Variants in RASGRP3 observed in about 807,000 individuals in gnomAD.
RASGRP3 encodes the protein RAS guanyl releasing protein 3.
In RASGRP3, 54 loss-of-function variants were observed where a neutral mutation model predicts 82.7. The ratio of observed to expected loss-of-function variants is 0.65; its 90% CI spans 0.52 to 0.82. RASGRP3 has a LOEUF of 0.82. Among genes scored for constraint, RASGRP3 ranks in the 40% least tolerant of loss-of-function variants. The pLI is 0.00. For missense variants in RASGRP3, 861 were observed against 828.9 expected, an observed-to-expected ratio of 1.04 and a Z score of -0.48; for synonymous variants, 309 against 300.5, an observed-to-expected ratio of 1.03 and a Z score of -0.29.
rs935903606 is a variant in RASGRP3 at position 33,445,596 on chromosome 2, C to T, written c.-384-2224C>T. Reference sequence around the variant, plus strand: ...CACCTAAAATGCCACGTATCTACAACGAAATTATTACAATGTATTTATAAT... The same window carrying T: ...CACCTAAAATGCCACGTATCTACAATGAAATTATTACAATGTATTTATAAT... On this transcript the variant is annotated intron_variant, in intron 1 of 18. Transcript: ENST00000402538. 5.3e-5 allele frequency among the ~76,000 whole-genome samples: 8 copies of T among 151,922 alleles called. No individual in the cohort carries two copies. The South Asian group carries it at 8.3e-4, about 16-fold the overall frequency.
rs1676329673 is a variant in RASGRP3 at position 33,558,953 on chromosome 2, G to A, written c.1987G>A (p.Gly663Ser). Residue 663 changes from glycine to serine, a missense_variant, in exon 17 of 18, where the codon GGT becomes AGT. Transcript: ENST00000403687. Reference protein sequence around the residue: ...WENEKPRVHAGVDVVDRGTEF... With the variant: ...WENEKPRVHASVDVVDRGTEF... Reference sequence around the variant, plus strand: ...AAATGAGAAGCCCAGGGTGCATGCTGGTGTGGATGTTGTAGACCGGGGCAC... The same window carrying A: ...AAATGAGAAGCCCAGGGTGCATGCTAGTGTGGATGTTGTAGACCGGGGCAC... 4 of 1,614,016 alleles carry A rather than the reference G, an allele frequency of 2.5e-6. No individual in the cohort carries two copies. Among genetic ancestry groups the A allele is most frequent in the Non-Finnish European group, 3.4e-6 (4 of 1,179,898 alleles).
intron 13 of RASGRP3, among the ~76,000 whole-genome samples, chr2:33,548,106 A>T (rs151287384): frequency 0.018 from 2,774 of 152,304 alleles, 95 homozygotes; most frequent in African/African-American, 0.063. Context: ...TCACGCCTGT[A>T]ATCCCAGCAC....
At position 33,467,208 on chromosome 2, in the gene RASGRP3, C is replaced by A. The variant is rs1311870262; in HGVS notation, c.-261+19265C>A. On this transcript the variant is annotated intron_variant, in intron 2 of 18. Transcript: ENST00000402538. The stretch of plus-strand genomic sequence containing the variant: ...ATTCCTAAAGGCAATGCACATTGAA[C>A]ACCGGCACTATATTTTTTTCAGTTA... Among the ~76,000 whole-genome samples, 3 of 152,228 alleles carry A rather than the reference C, an allele frequency of 2.0e-5. No homozygotes were observed. In the East Asian group the frequency reaches 5.8e-4, roughly 29 times the overall value.
intron 15 of RASGRP3, among the ~76,000 whole-genome samples, chr2:33,557,642 G>A (rs954580107): frequency 1.3e-5 from 2 of 151,794 alleles, no homozygotes; most frequent in East Asian, 3.9e-4. Flanking sequence ...CCCGGGAGGC[G>A]GAGCTTGCAG....
rs1676880596 is a variant in RASGRP3 at position 33,563,180 on chromosome 2, G to GT, written c.*443_*444insT. The GT allele has an allele frequency of 6.4e-6, 1 of 157,144 alleles. No homozygotes were observed. The highest frequency in any genetic ancestry group is 2.6e-5 in the African/African-American group (1 of 39,076). 9.7% of individuals were successfully genotyped at this position (157,144 alleles called of 1,614,324 possible). A position where few individuals can be genotyped will look rare whatever the true frequency, so the allele number is the denominator to read the frequency against. On this transcript the variant is annotated 3_prime_UTR_variant, in exon 18 of 18. Coordinates refer to ENST00000403687, the MANE Select transcript of RASGRP3 (RefSeq NM_001139488.2). The stretch of plus-strand genomic sequence containing the variant: ...AGTTAACAAGGAGTTTATTTAGAGG[G>GT]GTTTTTTTCATTTTTTGTTTTTCTT...
At chr2:33,559,160 A>T (rs895171084) in intron 17 of RASGRP3, 130 bp downstream of exon 17, 2 of 757,958 alleles carry the variant, frequency 2.6e-6, no homozygotes, top group East Asian at 5.4e-5. Flanking sequence ...GAAGACATGT[A>T]TCACTTTTAG....
At chr2:33,469,228 G>A (rs1004962899) in intron 2 of RASGRP3, among the ~76,000 whole-genome samples, 25 of 151,964 alleles carry the variant, frequency 1.6e-4, no homozygotes, top group Non-Finnish European at 1.2e-4. Context: ...TTTACCATAC[G>A]TATTTCACTT....
chr2:33,499,140 T>C (rs999434070), intron 1 of RASGRP3, among the ~76,000 whole-genome samples: 1 of 152,138 alleles, frequency 6.6e-6, no homozygotes, highest in Non-Finnish European at 1.5e-5. Context: ...TTCTGACCTC[T>C]GTTCCTCTCC....
chr2:33,461,035 A>G (rs1666334760), intron 2 of RASGRP3, among the ~76,000 whole-genome samples: 1 of 152,146 alleles, frequency 6.6e-6, no homozygotes, highest in Non-Finnish European at 1.5e-5. Context: ...TCTCACTGCC[A>G]CGCGTTTATT....
chr2:33,518,731 C>CT (rs1296805415), intron 4 of RASGRP3, among the ~76,000 whole-genome samples: 3 of 151,132 alleles, frequency 2.0e-5, no homozygotes, highest in African/African-American at 7.3e-5. Context: ...ACTTTTTAAA[C>CT]TTTTTTCGTT....
chr2:33,523,131 C>CGTTAT (rs1270098244), intron 7 of RASGRP3, among the ~76,000 whole-genome samples: 1 of 151,832 alleles, frequency 6.6e-6, no homozygotes, highest in African/African-American at 2.4e-5. Flanking sequence ...TATTGTATAC[C>CGTTAT]GTTATATCTT....
At chr2:33,492,659 C>T (rs1668957244) in intron 1 of RASGRP3, among the ~76,000 whole-genome samples, 1 of 152,164 alleles carries the variant, frequency 6.6e-6, no homozygotes, top group South Asian at 2.1e-4. Context: ...AGAAGGTGGC[C>T]ATCTGCAAGC....
At chr2:33,445,361 A>C (rs1665445680) in intron 1 of RASGRP3, among the ~76,000 whole-genome samples, 1 of 152,212 alleles carries the variant, frequency 6.6e-6, no homozygotes, top group Non-Finnish European at 1.5e-5. Flanking sequence ...TTATTCCATG[A>C]GGGTTTGGTT....
intron 1 of RASGRP3, among the ~76,000 whole-genome samples, chr2:33,479,341 C>T (rs1403459076): frequency 6.6e-6 from 1 of 152,180 alleles, no homozygotes; most frequent in Non-Finnish European, 1.5e-5. Flanking sequence ...ACCTCCAGCA[C>T]ACGGCTCCCA....
At chr2:33,530,716 T>C (rs2151045910) in intron 10 of RASGRP3, 1 of 152,314 alleles carries the variant, frequency 6.6e-6, no homozygotes, top group South Asian at 2.1e-4. Flanking sequence ...AAGGAAGTAA[T>C]TACAGGACAA....
chr2:33,496,283 AGTGT>A (rs1669304130), intron 1 of RASGRP3, among the ~76,000 whole-genome samples: 1 of 152,266 alleles, frequency 6.6e-6, no homozygotes, highest in African/African-American at 2.4e-5. Flanking sequence ...CAAGATTTAT[AGTGT>A]GTGGACAGGA....
chr2:33,549,852 T>C (rs1368299701), intron 14 of RASGRP3, 101 bp downstream of exon 14: 5 of 1,346,208 alleles, frequency 3.7e-6, no homozygotes, highest in Non-Finnish European at 5.0e-6. Flanking sequence ...CTGTCTGCTT[T>C]GAATCAGAAG....
chr2:33,507,336 A>G (rs1402505626), intron 1 of RASGRP3, among the ~76,000 whole-genome samples: 5 of 152,154 alleles, frequency 3.3e-5, no homozygotes, highest in Non-Finnish European at 5.9e-5. Flanking sequence ...CAGAGGTTGA[A>G]GTGAGCCAAG....
intron 1 of RASGRP3, among the ~76,000 whole-genome samples, chr2:33,479,423 C>G (rs772838045): frequency 2.0e-5 from 3 of 152,094 alleles, no homozygotes; most frequent in Non-Finnish European, 4.4e-5. Flanking sequence ...TCCACCCATG[C>G]CCCACCCCAA....
Sources: gnomAD v4.1 joint callset for allele counts (sites outside exome capture counted in the v4.1 genomes callset) on GRCh38, gnomAD v4.1.1 for gene constraint, MANE v1.5 for transcripts, NCBI Gene and HGNC (gene_info 2026-07-23, HGNC 2026-07-21) for gene names.